The following SMARCE1 variants were observed in gnomAD, a reference collection of about 807,000 sequenced individuals.
The protein encoded by SMARCE1 is SWI/SNF related BAF chromatin remodeling complex subunit E1.
In SMARCE1, 13 loss-of-function variants were observed where a neutral mutation model predicts 54.9. That is an observed-to-expected ratio of 0.24 (90% CI 0.15 to 0.38). The LOEUF (loss-of-function observed/expected upper bound fraction) is 0.38, where lower values mean the gene tolerates loss of function less well. Among genes scored for constraint, SMARCE1 ranks in the 10% least tolerant of loss-of-function variants. The pLI is 1.00. For missense variants in SMARCE1, 295 were observed against 523.8 expected, an observed-to-expected ratio of 0.56 and a Z score of 4.26; for synonymous variants, 151 against 175.3, an observed-to-expected ratio of 0.86 and a Z score of 1.10.
Position 40,630,740 on chromosome 17 carries a change from T to C in SMARCE1, c.1001A>G (p.Asp334Gly). Residue 334 changes from aspartate (D) to glycine (G), a missense_variant, in exon 10 of 11, where the codon GAC becomes GGC. Transcript: ENST00000348513. ...TGTCTCCATCGGAATGTTCTCGTCG[T>C]CTTTCTTCTCCTCGCCTTTGTTAGC... ...QAANKGEEKK[D>G]DENIPMETEE... 6.2e-7 allele frequency: 1 copy of C among 1,614,174 alleles called. No homozygotes were observed. Among genetic ancestry groups the C allele is most frequent in the South Asian group, 1.1e-5 (1 of 91,086 alleles).
In SMARCE1 at chr17:40,635,949, G is replaced by A. The variant is rs2143996013; in HGVS notation, c.523C>T (p.Pro175Ser). 1 of 1,586,008 alleles carries A rather than the reference G, an allele frequency of 6.3e-7. No individual in the cohort carries two copies. The highest frequency in any genetic ancestry group is 8.6e-7 in the Non-Finnish European group (1 of 1,167,928). The change falls in exon 7 of 11, where the codon CCT becomes TCT. Residue 175 changes from proline to serine, a missense_variant. By Grantham distance (74) the Pro-to-Ser change is moderately conservative (BLOSUM62 -1). Coordinates refer to ENST00000348513, the MANE Select transcript of SMARCE1 (RefSeq NM_003079.5). ...EKGEPYMSIQ[P>S]AEDPDDYDDG... ...CTTTTACCATCTGGATCTTCAGCAG[G>A]CTGAATGCTCATGTACGGTTCTCCT...
At position 40,626,400 on chromosome 17, in the gene SMARCE1, AG is replaced by A. The variant is rs1477536368; in HGVS notation, c.*2384del. On this transcript the variant is annotated 3_prime_UTR_variant, in exon 11 of 11. Coordinates refer to ENST00000348513, the MANE Select transcript of SMARCE1 (RefSeq NM_003079.5). ...GTTTGATCTATTTTATAATTAAAAC[AG>A]GCTCGAGTTCAAGCTACTTGCCCAG... 6.6e-6 allele frequency: 1 copy of A among 152,238 alleles called. No homozygotes were observed. Among genetic ancestry groups the A allele is most frequent in the African/African-American group, 2.4e-5 (1 of 41,474 alleles). 9.4% of individuals were successfully genotyped at this position (152,238 alleles called of 1,614,324 possible).
Position 40,642,357 on chromosome 17 carries a change from T to C in SMARCE1, c.156+98A>G. ...AAAAGCTAGGTTAAAAAATTTTTTT[T>C]AAATGGCTGTGCTTATGATTCAAAA... On this transcript the variant is annotated intron_variant, in intron 4 of 10. Coordinates refer to ENST00000348513, the MANE Select transcript of SMARCE1 (RefSeq NM_003079.5). The surrounding 1 kb of genome is among the most constrained non-coding windows in gnomAD (Gnocchi z 4.6). The C allele has an allele frequency of 1.2e-6, 1 of 836,826 alleles. No homozygotes were observed. The highest frequency in any genetic ancestry group is 2.4e-5 in the East Asian group (1 of 41,400). The allele number at this position is 836,826 out of a possible 1,614,324, so 51.8% of individuals were successfully genotyped here. A position where few individuals can be genotyped will look rare whatever the true frequency, so the allele number is the denominator to read the frequency against.
At position 40,625,349 on chromosome 17, in the gene SMARCE1, G is replaced by T. The variant is rs553193232; in HGVS notation, c.*3436C>A. On this transcript the variant is annotated 3_prime_UTR_variant, in exon 11 of 11. Transcript: ENST00000348513. ...AAAGGCTCCGAGTTCCTTTGAGCTT[G>T]TTATTGTACAGTGGATTTTTCATTT... The T allele has an allele frequency of 6.6e-6, 1 of 152,262 alleles. No individual in the cohort carries two copies. The highest frequency in any genetic ancestry group is 2.4e-5 in the African/African-American group (1 of 41,548). The allele number at this position is 152,262 out of a possible 1,614,324, so 9.4% of individuals were successfully genotyped here.
Position 40,627,300 on chromosome 17 carries a change from G to A in SMARCE1, c.*1485C>T, listed in dbSNP as rs1205813971. The A allele has an allele frequency of 6.6e-6, 1 of 152,192 alleles. No individual in the cohort carries two copies. The highest frequency in any genetic ancestry group is 1.9e-4 in the East Asian group (1 of 5,194). 9.4% of individuals were successfully genotyped at this position (152,192 alleles called of 1,614,324 possible). A position where few individuals can be genotyped will look rare whatever the true frequency, so the allele number is the denominator to read the frequency against. ...ACATTCCTAGTCACTAATGTGCTAT[G>A]AACTGAATAGCAGTGAATCCACTTA... On this transcript the variant is annotated 3_prime_UTR_variant, in exon 11 of 11. Transcript: ENST00000348513.
intron 3 of SMARCE1, chr17:40,644,066 T>C (rs962594075): frequency 2.0e-5 from 3 of 152,428 alleles, no homozygotes; most frequent in African/African-American, 7.2e-5. Flanking sequence ...CTGTTGGATG[T>C]TTTAATCCCT....
At chr17:40,644,913 A>G (rs1216603893) in intron 3 of SMARCE1, 1 of 152,224 alleles carries the variant, frequency 6.6e-6, no homozygotes, top group Non-Finnish European at 1.5e-5. Context: ...CTGAACAGTT[A>G]CTGCTAAATC....
chr17:40,639,622 C>T (rs1224666328), intron 4 of SMARCE1, among the ~76,000 whole-genome samples: 1 of 151,940 alleles, frequency 6.6e-6, no homozygotes, highest in Non-Finnish European at 1.5e-5. Context: ...AGTCAACTTA[C>T]AACAACAACA....
At chr17:40,632,125 G>T in intron 8 of SMARCE1, 70 bp downstream of exon 8, 2 of 1,213,684 alleles carry the variant, frequency 1.6e-6, no homozygotes, top group Non-Finnish European at 2.4e-6. Flanking sequence ...TAGGCATGGT[G>T]TAGGAATCAT....
chr17:40,634,256 T>C (rs1271660279), intron 7 of SMARCE1: 1 of 152,626 alleles, frequency 6.6e-6, no homozygotes, highest in East Asian at 1.9e-4. Context: ...CAGCCTCAGC[T>C]GGAGTAGCTG....
intron 10 of SMARCE1, chr17:40,630,022 T>G: frequency 2.3e-6 from 1 of 436,308 alleles, no homozygotes; most frequent in Non-Finnish European, 4.1e-6. Context: ...CTTGCAACGA[T>G]GCTCCAGGAA....
At chr17:40,640,091 T>C (rs1386883418) in intron 4 of SMARCE1, 1 of 152,194 alleles carries the variant, frequency 6.6e-6, no homozygotes, top group Non-Finnish European at 1.5e-5. Flanking sequence ...ATGAATAAAG[T>C]TCATGGTTTT....
rs1254102268 is a variant in SMARCE1 at position 40,625,171 on chromosome 17, T to C, written c.*3614A>G. 6.6e-6 allele frequency: 1 copy of C among 152,228 alleles called. No homozygotes were observed. Among genetic ancestry groups the C allele is most frequent in the Non-Finnish European group, 1.5e-5 (1 of 68,036 alleles). 9.4% of individuals were successfully genotyped at this position (152,228 alleles called of 1,614,324 possible). A position where few individuals can be genotyped will look rare whatever the true frequency, so the allele number is the denominator to read the frequency against. On this transcript the variant is annotated 3_prime_UTR_variant, in exon 11 of 11. Coordinates refer to ENST00000348513, the MANE Select transcript of SMARCE1 (RefSeq NM_003079.5). ...ATTGTACACTGGCAATTTCTTATGG[T>C]TCAACCTAATAGTAAAACATTTATA... is the stretch of plus-strand genomic sequence containing the variant.
At chr17:40,632,586 A>G in intron 7 of SMARCE1, 1 of 486,812 alleles carries the variant, frequency 2.1e-6, no homozygotes, top group Non-Finnish European at 3.6e-6. Context: ...CACAGTCTTT[A>G]AGTGATAATG....
At chr17:40,634,393 A>G (rs184264957) in intron 7 of SMARCE1, 1 of 152,612 alleles carries the variant, frequency 6.6e-6, no homozygotes, top group East Asian at 1.9e-4. Context: ...TCAGTTTCCC[A>G]AAGTATTGGG....
chr17:40,630,215 G>T, intron 10 of SMARCE1: 1 of 1,475,304 alleles, frequency 6.8e-7, no homozygotes, highest in Non-Finnish European at 9.3e-7. Flanking sequence ...TACCTTGAGG[G>T]ATGCTTTTAA....
intron 10 of SMARCE1, chr17:40,630,450 G>C (rs1023264640): frequency 9.5e-6 from 6 of 633,168 alleles, no homozygotes; most frequent in Non-Finnish European, 1.7e-5. Context: ...GTGGTGGGCA[G>C]GATTGGCTTA....
At chr17:40,645,669 C>T in intron 2 of SMARCE1, 50 bp from the exon 3 acceptor site, 1 of 1,350,314 alleles carries the variant, frequency 7.4e-7, no homozygotes, top group Non-Finnish European at 1.0e-6. Flanking sequence ...AGATATAATA[C>T]TATGCAACAA....
chr17:40,629,142 T>TA (rs1473902096), intron 10 of SMARCE1, 149 bp from the exon 11 acceptor site: 3 of 618,634 alleles, frequency 4.8e-6, no homozygotes, highest in Non-Finnish European at 8.4e-6. Flanking sequence ...CTAAAGAACT[T>TA]TTAAGAATGT....
Sources: gnomAD v4.1 joint callset for allele counts (sites outside exome capture counted in the v4.1 genomes callset) on GRCh38, gnomAD v4.1.1 for gene constraint, Gnocchi (gnomAD v3.1) non-coding constraint, MANE v1.5 for transcripts, NCBI Gene and HGNC (gene_info 2026-07-23, HGNC 2026-07-21) for gene names.